CHD7: variants seen among roughly 807,000 people sequenced by gnomAD.
The protein encoded by CHD7 is chromodomain helicase DNA binding protein 7, also known as ATP-dependent chromatin remodeler CHD7.
CHD7 carries 24 observed loss-of-function variants against 307.3 expected under a neutral mutation model. The observed-to-expected ratio is 0.08, with a 90% CI of 0.06 to 0.11. The LOEUF is 0.11. CHD7 is among the 10% of genes least tolerant of loss of function. CHD7 has a pLI of 1.00. For missense variants in CHD7, 3,106 were observed against 3,727.1 expected (o/e 0.83, Z 4.34); for synonymous variants, 1,363 against 1,349.9 (o/e 1.01, Z -0.21).
intron 16 of CHD7, 99 bp from the exon 17 acceptor site, chr8:60,836,718 T>A (rs905868734): frequency 4.7e-6 from 4 of 842,512 alleles, no homozygotes; most frequent in Admixed American, 5.4e-5. Flanking sequence ...TTAGTCTTTT[T>A]AATATATATT....
chr8:60,856,962 G>A lies in CHD7; in HGVS notation c.7608+74G>A, dbSNP rs1292345930. 8 of 1,350,192 alleles carry A rather than the reference G, an allele frequency of 5.9e-6. No homozygotes were observed. The African/African-American group carries it at 8.8e-5, about 15-fold the overall frequency. 83.6% of individuals were successfully genotyped at this position (1,350,192 alleles called of 1,614,324 possible). ...AGGGTCCTGTGATGCTCACGATGCT[G>A]GGCTGTGTTTCTCTCAGCAGCATTG... is the stretch of plus-strand genomic sequence containing the variant. On this transcript the variant is annotated intron_variant, in intron 34 of 37. Transcript: ENST00000423902.
rs536713503 is a variant in CHD7 at position 60,750,488 on chromosome 8, G to A, written c.1665+7391G>A. On this transcript the variant is annotated intron_variant, in intron 2 of 37. Transcript: ENST00000423902. ...CTATGTTCTAGACCAGAACTGTCCAGTTATATGATGGGAGCTACAAATACA... is the reference window on the plus strand; with the variant it reads ...CTATGTTCTAGACCAGAACTGTCCAATTATATGATGGGAGCTACAAATACA... 1.1e-4 allele frequency among the ~76,000 whole-genome samples: 16 copies of A among 152,328 alleles called. 1 individual carries two copies. The South Asian group carries it at 3.3e-3, about 32-fold the overall frequency.
chr8:60,771,511 G>T (rs1810708496), intron 2 of CHD7, among the ~76,000 whole-genome samples: 1 of 152,164 alleles, frequency 6.6e-6, no homozygotes, highest in African/African-American at 2.4e-5. Flanking sequence ...TTAGATTAGG[G>T]ATACTCACTC....
chr8:60,708,815 A>G (rs1174487261), intron 1 of CHD7, among the ~76,000 whole-genome samples: 1 of 152,196 alleles, frequency 6.6e-6, no homozygotes, highest in Non-Finnish European at 1.5e-5. Flanking sequence ...TTTCAACCGA[A>G]TGCAACTTCC....
chr8:60,849,129 C>T lies in CHD7; in HGVS notation c.5379C>T (p.Ser1793=). Residue 1793 remains serine (S), a synonymous_variant, in exon 25 of 38, where the codon TCC becomes TCT. Coordinates refer to ENST00000423902, the MANE Select transcript of CHD7 (RefSeq NM_017780.4). ...GGTGGGATAAGGAAGCAGACAAATC[C>T]CTCTTAATTGGAGTGTTCAAACATG... ...ADWWDKEADK[S]LLIGVFKHGY... 1 of 1,612,778 alleles carries T rather than the reference C, an allele frequency of 6.2e-7. No homozygotes were observed.
Position 60,822,582 on chromosome 8 carries a change from A to G in CHD7, c.3037A>G (p.Lys1013Glu). 6.8e-6 allele frequency: 11 copies of G among 1,613,886 alleles called. No individual in the cohort carries two copies. The highest frequency in any genetic ancestry group is 9.3e-6 in the Non-Finnish European group (11 of 1,179,740). Residue 1013 changes from lysine (K) to glutamate (E), a missense_variant, in exon 12 of 38, where the codon AAA becomes GAA. Physicochemically the swap from Lys to Glu is moderately conservative, Grantham distance 56 (BLOSUM62 1). Coordinates refer to ENST00000423902, the MANE Select transcript of CHD7 (RefSeq NM_017780.4). ...SITFLYEIYLKGIHGPFLVIA... is the reference protein window; with the variant it reads ...SITFLYEIYLEGIHGPFLVIA... ...TACATTTCTCTATGAGATATATTTGAAAGGAATCCATGGCCCTTTTTTAGT... is the reference window on the plus strand; with the variant it reads ...TACATTTCTCTATGAGATATATTTGGAAGGAATCCATGGCCCTTTTTTAGT...
intron 1 of CHD7, among the ~76,000 whole-genome samples, chr8:60,683,215 A>G (rs1311895782): frequency 6.6e-6 from 1 of 152,204 alleles, no homozygotes; most frequent in Non-Finnish European, 1.5e-5. Context: ...AAACTTTATT[A>G]TTTAGTCTTT....
At chr8:60,852,767 G>C in intron 30 of CHD7, 61 bp downstream of exon 30, 6 of 1,609,576 alleles carry the variant, frequency 3.7e-6, no homozygotes, top group Non-Finnish European at 5.1e-6. Context: ...AAATAAGAAA[G>C]TGTACAATGT....
At chr8:60,686,127 C>T (rs1805877314) in intron 1 of CHD7, among the ~76,000 whole-genome samples, 1 of 152,096 alleles carries the variant, frequency 6.6e-6, no homozygotes, top group Admixed American at 6.5e-5. Flanking sequence ...TCCTTCCTGT[C>T]TTGTGTTGTT....
Position 60,837,855 on chromosome 8 carries a change from A to G in CHD7, c.4353+20A>G. The G allele has an allele frequency of 1.9e-6, 3 of 1,591,942 alleles. No individual in the cohort carries two copies. Among genetic ancestry groups the G allele is most frequent in the East Asian group, 4.5e-5 (2 of 44,474 alleles). ...AATGGGGTAAAACCACCCTTGCCCA[A>G]ACCATTTATTTATTCTGGCACTTTC... On this transcript the variant is annotated intron_variant, in intron 18 of 37. Coordinates refer to ENST00000423902, the MANE Select transcript of CHD7 (RefSeq NM_017780.4).
rs1586462216 is a variant in CHD7 at position 60,862,209 on chromosome 8, T to C, written c.7844T>C (p.Val2615Ala). The change falls in exon 36 of 38, where the codon GTG becomes GCG. Residue 2615 changes from valine (V) to alanine (A), a missense_variant. This residue lies in a region of CHD7 where 1,030 missense variants were observed against 1,165.4 expected (regional missense o/e 0.88). Transcript: ENST00000423902. Reference sequence around the variant, plus strand: ...TTTCTTTTGCAGAAGAATGCAGATGTGCTGTTTTCCTCATTTCAGAAACCG... The same window carrying C: ...TTTCTTTTGCAGAAGAATGCAGATGCGCTGTTTTCCTCATTTCAGAAACCG... Reference protein sequence around the residue: ...MPSYVPKNADVLFSSFQKPKQ... With the variant: ...MPSYVPKNADALFSSFQKPKQ... 29 of 1,610,076 alleles carry C rather than the reference T, an allele frequency of 1.8e-5. No homozygotes were observed. Among genetic ancestry groups the C allele is most frequent in the Non-Finnish European group, 2.5e-5 (29 of 1,177,906 alleles).
intron 4 of CHD7, among the ~76,000 whole-genome samples, chr8:60,798,380 T>C (rs945317531): frequency 6.6e-6 from 1 of 152,234 alleles, no homozygotes; most frequent in Admixed American, 6.5e-5. Context: ...ACTTTGCACC[T>C]CTGTGGCCAC....
At chr8:60,854,925 A>T (rs1296697713) in intron 32 of CHD7, among the ~76,000 whole-genome samples, 1 of 152,232 alleles carries the variant, frequency 6.6e-6, no homozygotes, top group Non-Finnish European at 1.5e-5. Flanking sequence ...CAGCTTCTTG[A>T]CTTGGAAGAG....
chr8:60,743,582 TACTA>T (rs1387550980), intron 2 of CHD7, among the ~76,000 whole-genome samples: 1 of 152,270 alleles, frequency 6.6e-6, no homozygotes, highest in African/African-American at 2.4e-5. Context: ...ATACTTATTT[TACTA>T]ACTGTTGACT....
rs1320752488 is a variant in CHD7 at position 60,849,114 on chromosome 8, G to A, written c.5364G>A (p.Lys1788=). ...AAGTTCCTGCAGATTGGTGGGATAAGGAAGCAGACAAATCCCTCTTAATTG... is the reference window on the plus strand; with the variant it reads ...AAGTTCCTGCAGATTGGTGGGATAAAGAAGCAGACAAATCCCTCTTAATTG... ...HAEVPADWWD[K]EADKSLLIGV... The change falls in exon 25 of 38, where the codon AAG becomes AAA. Residue 1788 remains lysine, a synonymous_variant. Transcript: ENST00000423902. 6.2e-7 allele frequency: 1 copy of A among 1,613,518 alleles called. No homozygotes were observed. The highest frequency in any genetic ancestry group is 8.5e-7 in the Non-Finnish European group (1 of 1,179,648).
At chr8:60,691,030 A>G (rs897670853) in intron 1 of CHD7, among the ~76,000 whole-genome samples, 2 of 151,998 alleles carry the variant, frequency 1.3e-5, no homozygotes, top group African/African-American at 4.8e-5. Context: ...GGTTCAAGCA[A>G]TTCTTGTGCC....
At chr8:60,737,297 C>G (rs1463992826) in intron 1 of CHD7, among the ~76,000 whole-genome samples, 3 of 152,164 alleles carry the variant, frequency 2.0e-5, no homozygotes. Context: ...ATGGCAGCAG[C>G]AGTTTTAGTG....
At chr8:60,839,840 A>G (rs1804891607) in intron 19 of CHD7, among the ~76,000 whole-genome samples, 1 of 152,172 alleles carries the variant, frequency 6.6e-6, no homozygotes, top group African/African-American at 2.4e-5. Flanking sequence ...CTGTATTAAT[A>G]TGATTGCAGA....
intron 1 of CHD7, among the ~76,000 whole-genome samples, chr8:60,735,690 G>T (rs1284701163): frequency 6.6e-6 from 1 of 152,120 alleles, no homozygotes; most frequent in Non-Finnish European, 1.5e-5. Context: ...ACCTTTAAAA[G>T]AATACTAATC....
Sources: gnomAD v4.1 joint callset for allele counts (sites outside exome capture counted in the v4.1 genomes callset) on GRCh38, gnomAD v4.1.1 for gene constraint, gnomAD v4.1.1 regional missense constraint, MANE v1.5 for transcripts, NCBI Gene and HGNC (gene_info 2026-07-23, HGNC 2026-07-21) for gene names.